The following LRFN5 variants were observed in gnomAD, a reference collection of about 807,000 sequenced individuals.
LRFN5 encodes leucine-rich repeat and fibronectin type-III domain-containing protein 5.
A neutral mutation model predicts 45.6 loss-of-function variants in LRFN5; 24 were observed. The observed-to-expected ratio is 0.53, with a 90% CI of 0.38 to 0.74. The LOEUF (loss-of-function observed/expected upper bound fraction) is 0.74. LRFN5 is among the 30% of genes least tolerant of loss of function. The pLI is 0.00. For synonymous variants in LRFN5, 340 were observed against 313.8 expected (o/e 1.08, Z -0.88); for missense variants, 776 against 861.5 (o/e 0.90, Z 1.24).
chr14:41,737,794 T>C (rs1366625538), intron 1 of LRFN5, among the ~76,000 whole-genome samples: 2 of 152,120 alleles, frequency 1.3e-5, no homozygotes, highest in African/African-American at 2.4e-5. Flanking sequence ...TTACAAGGGA[T>C]GTGAAGGACT....
intron 1 of LRFN5, among the ~76,000 whole-genome samples, chr14:41,646,487 G>C (rs1375007843): frequency 6.6e-6 from 1 of 152,152 alleles, no homozygotes; most frequent in African/African-American, 2.4e-5. Context: ...CAAGGGAGAA[G>C]TCTCAGGGAC....
intron 1 of LRFN5, among the ~76,000 whole-genome samples, chr14:41,753,840 G>T (rs965250205): frequency 6.6e-6 from 1 of 152,142 alleles, no homozygotes; most frequent in Non-Finnish European, 1.5e-5. Context: ...TCCCTGTCTT[G>T]TGCCAGTTTT....
At chr14:41,756,645 G>A (rs899115467) in intron 1 of LRFN5, among the ~76,000 whole-genome samples, 2 of 152,192 alleles carry the variant, frequency 1.3e-5, no homozygotes, top group Non-Finnish European at 2.9e-5. Flanking sequence ...GGTTATTCTA[G>A]TTAGCCATTC....
chr14:41,705,598 C>G (rs985051216), intron 1 of LRFN5, among the ~76,000 whole-genome samples: 1 of 152,002 alleles, frequency 6.6e-6, no homozygotes, highest in Non-Finnish European at 1.5e-5. Context: ...TAGGGTAATA[C>G]ACTTTTCTTT....
intron 1 of LRFN5, among the ~76,000 whole-genome samples, chr14:41,631,863 A>G (rs912613094): frequency 9.2e-5 from 14 of 152,312 alleles, no homozygotes; most frequent in Middle Eastern, 3.4e-3. Context: ...GTCAGAGAGG[A>G]GTAAGTCCTG....
At chr14:41,683,087 A>G (rs1360084293) in intron 1 of LRFN5, among the ~76,000 whole-genome samples, 2 of 152,172 alleles carry the variant, frequency 1.3e-5, no homozygotes, top group African/African-American at 2.4e-5. Context: ...ATTTTAGCAA[A>G]TCAAATTCAA....
At chr14:41,840,843 A>G (rs978871771) in intron 2 of LRFN5, among the ~76,000 whole-genome samples, 5 of 151,972 alleles carry the variant, frequency 3.3e-5, no homozygotes, top group African/African-American at 1.2e-4. Flanking sequence ...TTGTTGTATA[A>G]ACCTGAGATA....
At chr14:41,828,941 T>A (rs1483164349) in intron 2 of LRFN5, among the ~76,000 whole-genome samples, 1 of 152,012 alleles carries the variant, frequency 6.6e-6, no homozygotes, top group Non-Finnish European at 1.5e-5. Flanking sequence ...TCTTTCCTAA[T>A]ATGAGATATT....
At chr14:41,861,483 C>T (rs1889658225) in intron 2 of LRFN5, among the ~76,000 whole-genome samples, 1 of 152,294 alleles carries the variant, frequency 6.6e-6, no homozygotes, top group African/African-American at 2.4e-5. Flanking sequence ...ATGTAACTCA[C>T]TTTAAGCATC....
chr14:41,890,163 G>A (rs1251627681), intron 3 of LRFN5, among the ~76,000 whole-genome samples: 1 of 152,056 alleles, frequency 6.6e-6, no homozygotes, highest in African/African-American at 2.4e-5. Context: ...CGCAGTGAAA[G>A]TATCACTGGA....
At chr14:41,829,470 C>T (rs554579403) in intron 2 of LRFN5, among the ~76,000 whole-genome samples, 59 of 151,886 alleles carry the variant, frequency 3.9e-4, no homozygotes, top group African/African-American at 1.2e-3. Context: ...GACAAATTGT[C>T]GACACTGTCT....
intron 2 of LRFN5, among the ~76,000 whole-genome samples, chr14:41,843,577 C>G (rs1465077398): frequency 6.6e-6 from 1 of 152,210 alleles, no homozygotes; most frequent in South Asian, 2.1e-4. Context: ...TGATCCAATT[C>G]AAATCAGTCT....
chr14:41,898,484 A>G (rs1254184895), intron 4 of LRFN5, among the ~76,000 whole-genome samples: 1 of 152,038 alleles, frequency 6.6e-6, no homozygotes, highest in East Asian at 1.9e-4. Flanking sequence ...CCATATGGTG[A>G]ACATAGTTAA....
At chr14:41,691,741 A>T (rs1348981673) in intron 1 of LRFN5, among the ~76,000 whole-genome samples, 1 of 152,068 alleles carries the variant, frequency 6.6e-6, no homozygotes, top group Admixed American at 6.5e-5. Flanking sequence ...CATTTTCCTT[A>T]TTCCACTTTC....
intron 2 of LRFN5, among the ~76,000 whole-genome samples, chr14:41,814,834 G>A (rs1171573125): frequency 6.6e-6 from 1 of 152,226 alleles, no homozygotes; most frequent in East Asian, 1.9e-4. Flanking sequence ...TAATAGTTGG[G>A]ACACTTACTG....
intron 2 of LRFN5, among the ~76,000 whole-genome samples, chr14:41,867,245 TTGA>T (rs1398808953): frequency 3.3e-5 from 5 of 152,134 alleles, no homozygotes; most frequent in Admixed American, 6.6e-5. Context: ...TCTTTGACTC[TTGA>T]TGATTTACTT....
chr14:41,615,923 T>C (rs2138546886), intron 1 of LRFN5, among the ~76,000 whole-genome samples: 1 of 152,220 alleles, frequency 6.6e-6, no homozygotes, highest in East Asian at 1.9e-4. Flanking sequence ...CCCTCAAGCA[T>C]TTATCTTTTG....
intron 1 of LRFN5, among the ~76,000 whole-genome samples, chr14:41,648,401 A>T: frequency 6.6e-6 from 1 of 152,126 alleles, no homozygotes. Context: ...TATAGAATTC[A>T]ATAGTTTGCT....
chr14:41,780,037 A>G (rs1886426788), intron 2 of LRFN5, among the ~76,000 whole-genome samples: 1 of 151,904 alleles, frequency 6.6e-6, no homozygotes, highest in South Asian at 2.1e-4. Context: ...TAGAAAGACT[A>G]TTGAATTTAT....
Sources: gnomAD v4.1 joint callset for allele counts (sites outside exome capture counted in the v4.1 genomes callset) on GRCh38, gnomAD v4.1.1 for gene constraint, MANE v1.5 for transcripts, NCBI Gene and HGNC (gene_info 2026-07-23, HGNC 2026-07-21) for gene names.